The following ITPRID1 variants were observed in gnomAD, a reference collection of about 807,000 sequenced individuals.
The protein encoded by ITPRID1 is protein ITPRID1.
A neutral mutation model predicts 95.4 loss-of-function variants in ITPRID1; 96 were observed. The ratio of observed to expected loss-of-function variants is 1.01; its 90% CI spans 0.85 to 1.19. The LOEUF (loss-of-function observed/expected upper bound fraction) is 1.19. ITPRID1 is among the 50% of genes most tolerant of loss of function. The pLI, the probability that ITPRID1 is intolerant of heterozygous loss-of-function variation, is 0.00. For synonymous variants in ITPRID1, 510 were observed against 453.6 expected (o/e 1.12, Z -1.58); for missense variants, 1,339 against 1,252.9 (o/e 1.07, Z -1.04).
chr7:31,532,729 G>T (rs6962481), intron 1 of ITPRID1, among the ~76,000 whole-genome samples: 88,737 of 152,062 alleles, frequency 0.58, 26,956 homozygotes, highest in Middle Eastern at 0.71. Context: ...GAAAACAGAA[G>T]AATGCAAAGC....
At chr7:31,599,944 G>A (rs963755926) in intron 10 of ITPRID1, among the ~76,000 whole-genome samples, 1 of 151,684 alleles carries the variant, frequency 6.6e-6, no homozygotes, top group Non-Finnish European at 1.5e-5. Flanking sequence ...GTGATCCGCC[G>A]GCCTCTGCCT....
At chr7:31,517,475 A>C (rs2128125778) in intron 1 of ITPRID1, 1 of 153,038 alleles carries the variant, frequency 6.5e-6, no homozygotes, top group Non-Finnish European at 1.5e-5. Flanking sequence ...CCAGACAACC[A>C]AGAGGAAAAG....
Position 31,554,887 on chromosome 7 carries a change from T to A in ITPRID1, c.242T>A (p.Val81Asp). ...FVSANENFQQ[V>D]IDRTVSLYEQ... ...TCTGCAAATGAAAACTTTCAACAAG[T>A]CATTGACCGCACTGGTAAGACAAGA... is the stretch of plus-strand genomic sequence containing the variant. The change falls in exon 5 of 15, where the codon GTC becomes GAC. Residue 81 changes from valine to aspartate, a missense_variant. By Grantham distance (152) the Val-to-Asp change is radical (BLOSUM62 -3). Coordinates refer to ENST00000615280, the MANE Select transcript of ITPRID1 (RefSeq NM_001257967.3). The A allele has an allele frequency of 4.4e-6, 7 of 1,583,126 alleles. No individual in the cohort carries two copies. Among genetic ancestry groups the A allele is most frequent in the Non-Finnish European group, 6.0e-6 (7 of 1,162,380 alleles).
chr7:31,562,121 C>G (rs796727406), intron 5 of ITPRID1, among the ~76,000 whole-genome samples: 23 of 120,668 alleles, frequency 1.9e-4, no homozygotes, highest in African/African-American at 7.3e-4. Context: ...CACCAGAAAA[C>G]AAATTAAACA....
intron 10 of ITPRID1, among the ~76,000 whole-genome samples, chr7:31,631,541 A>G (rs1187690209): frequency 1.3e-5 from 2 of 152,076 alleles, no homozygotes; most frequent in Admixed American, 6.6e-5. Flanking sequence ...TATTACTTCT[A>G]TCATACTGAA....
Position 31,654,123 on chromosome 7 carries a change from A to G in ITPRID1, c.*1294A>G, listed in dbSNP as rs1791174731. ...GAAAAGAGCCTCAGAAGACAGTGTGATAATGTTGCAAAGGGAGATGTGGAG... is the reference window on the plus strand; with the variant it reads ...GAAAAGAGCCTCAGAAGACAGTGTGGTAATGTTGCAAAGGGAGATGTGGAG... On this transcript the variant is annotated 3_prime_UTR_variant, in exon 15 of 15. Transcript: ENST00000615280. Among the ~76,000 whole-genome samples, 1 of 151,916 alleles carries G rather than the reference A, an allele frequency of 6.6e-6. No individual in the cohort carries two copies. Among genetic ancestry groups the G allele is most frequent in the African/African-American group, 2.4e-5 (1 of 41,384 alleles).
intron 5 of ITPRID1, among the ~76,000 whole-genome samples, chr7:31,557,140 C>A (rs1784474967): frequency 6.6e-6 from 1 of 151,986 alleles, no homozygotes. Flanking sequence ...AACTAATTAA[C>A]AATCCACAAA....
chr7:31,572,791 G>T (rs1785037832), intron 7 of ITPRID1, among the ~76,000 whole-genome samples: 1 of 152,118 alleles, frequency 6.6e-6, no homozygotes. Flanking sequence ...ATGAAAATAT[G>T]TTTAATGACC....
chr7:31,537,554 C>A (rs1282713382), intron 1 of ITPRID1, among the ~76,000 whole-genome samples: 1 of 151,914 alleles, frequency 6.6e-6, no homozygotes, highest in Non-Finnish European at 1.5e-5. Flanking sequence ...TGTGACTTCC[C>A]ACATTCTAAA....
intron 10 of ITPRID1, among the ~76,000 whole-genome samples, chr7:31,638,180 TAAG>T (rs2128204836): frequency 6.6e-6 from 1 of 152,330 alleles, no homozygotes; most frequent in Admixed American, 6.5e-5. Flanking sequence ...ACAGTTGATA[TAAG>T]GAGGAAAACG....
At position 31,652,498 on chromosome 7, in the gene ITPRID1, TC is replaced by T; in HGVS notation, c.2824-18del. On this transcript the variant is annotated intron_variant, in intron 14 of 14. Coordinates refer to ENST00000615280, the MANE Select transcript of ITPRID1 (RefSeq NM_001257967.3). ...AATGTGATGTGCTGTTTACTCTTTTTCCTCTTGTTTTCCTTTTAGCAGCTGG... is the reference window on the plus strand; with the variant it reads ...AATGTGATGTGCTGTTTACTCTTTTTCTCTTGTTTTCCTTTTAGCAGCTGG... The T allele has an allele frequency of 6.4e-7, 1 of 1,566,928 alleles. No individual in the cohort carries two copies. Among genetic ancestry groups the T allele is most frequent in the Non-Finnish European group, 8.7e-7 (1 of 1,154,238 alleles).
At chr7:31,554,401 G>A (rs1464862045) in intron 3 of ITPRID1, 74 bp from the exon 4 acceptor site, 36 of 1,547,478 alleles carry the variant, frequency 2.3e-5, no homozygotes, top group African/African-American at 5.4e-5. Flanking sequence ...ACTGAGTGGC[G>A]GCTGAGTAAA....
rs147399119 is a variant in ITPRID1, at chr7:31,553,105, C to T, written c.81C>T (p.Thr27=). 470 of 1,603,682 alleles carry T rather than the reference C, an allele frequency of 2.9e-4. No individual in the cohort carries two copies. The highest frequency in any genetic ancestry group is 9.4e-4 in the Admixed American group (55 of 58,762). The change falls in exon 3 of 15, where the codon ACC becomes ACT. Residue 27 remains threonine (T), a synonymous_variant. Transcript: ENST00000615280. ...GCAAGAGAGAGATCCTGAAGTGCACCAAAAGCGCGTGGGCTCCGCTGGATG... is the reference window on the plus strand; with the variant it reads ...GCAAGAGAGAGATCCTGAAGTGCACTAAAAGCGCGTGGGCTCCGCTGGATG... ...EKSKREILKC[T]KSAWAPLDEW...
chr7:31,589,122 TA>T (rs529300428), intron 10 of ITPRID1, among the ~76,000 whole-genome samples: 2 of 151,266 alleles, frequency 1.3e-5, no homozygotes, highest in Non-Finnish European at 2.9e-5. Context: ...ATAGAAAATC[TA>T]AAAAAAAGAA....
chr7:31,520,163 G>A (rs558167329), intron 1 of ITPRID1, among the ~76,000 whole-genome samples: 10 of 151,848 alleles, frequency 6.6e-5, no homozygotes, highest in African/African-American at 2.4e-4. Context: ...TTATTACACT[G>A]GGGTTATGGG....
At chr7:31,554,163 T>C (rs1317857200) in intron 3 of ITPRID1, among the ~76,000 whole-genome samples, 2 of 152,174 alleles carry the variant, frequency 1.3e-5, no homozygotes, top group Non-Finnish European at 2.9e-5. Flanking sequence ...ACCCTTTGTA[T>C]TCACACCAGG....
Position 31,651,226 on chromosome 7 carries a change from G to A in ITPRID1, c.2668G>A (p.Gly890Arg), listed in dbSNP as rs1354059068. Reference sequence around the variant, plus strand: ...AGAAGAAATTGAACAGCACCTTATGGGACAGCAGGCCCTCTTTTCCAGGGA... The same window carrying A: ...AGAAGAAATTGAACAGCACCTTATGAGACAGCAGGCCCTCTTTTCCAGGGA... ...YLEEIEQHLM[G>R]QQALFSRDMS... Residue 890 changes from glycine to arginine, a missense_variant, in exon 13 of 15, where the codon GGA becomes AGA. By Grantham distance (125) the Gly-to-Arg change is moderately radical. Transcript: ENST00000615280. 7 of 1,613,412 alleles carry A rather than the reference G, an allele frequency of 4.3e-6. No homozygotes were observed. Among genetic ancestry groups the A allele is most frequent in the South Asian group, 2.2e-5 (2 of 91,054 alleles).
In ITPRID1 at chr7:31,601,670, C is replaced by T. The variant is rs1440314480; in HGVS notation, c.1228+18479C>T. 3.9e-5 allele frequency among the ~76,000 whole-genome samples: 6 copies of T among 152,150 alleles called. No individual in the cohort carries two copies. In the South Asian group the frequency reaches 6.2e-4, roughly 16 times the overall value. On this transcript the variant is annotated intron_variant, in intron 10 of 14. Coordinates refer to ENST00000615280, the MANE Select transcript of ITPRID1 (RefSeq NM_001257967.3). ...TACCTGGTTTATTACCACTGGCCTC[C>T]GTGATGATGCAGGTTGCTAATGTGG...
chr7:31,529,535 C>A, intron 1 of ITPRID1: 1 of 454,574 alleles, frequency 2.2e-6, no homozygotes, highest in Non-Finnish European at 3.9e-6. Flanking sequence ...GACATTTTTA[C>A]CACTTTCTTT....
Sources: gnomAD v4.1 joint callset for allele counts (sites outside exome capture counted in the v4.1 genomes callset) on GRCh38, gnomAD v4.1.1 for gene constraint, MANE v1.5 for transcripts, NCBI Gene and HGNC (gene_info 2026-07-23, HGNC 2026-07-21) for gene names.